Variants in PCNX3 observed in about 807,000 individuals in gnomAD.
The protein encoded by PCNX3 is pecanex 3, also known as pecanex-like protein 3.
PCNX3 carries 58 observed loss-of-function variants against 207.2 expected under a neutral mutation model. The ratio of observed to expected loss-of-function variants is 0.28; its 90% CI spans 0.23 to 0.35. The LOEUF is 0.35. Among genes scored for constraint, PCNX3 ranks in the 10% least tolerant of loss-of-function variants. The probability of loss-of-function intolerance (pLI) is 1.00; values close to 1 mark genes in which losing one functional copy is unlikely to be tolerated. For missense variants in PCNX3, 2,410 were observed against 2,774.4 expected, an observed-to-expected ratio of 0.87 and a Z score of 2.95; for synonymous variants, 1,337 against 1,183.5, an observed-to-expected ratio of 1.13 and a Z score of -2.66.
At position 65,618,687 on chromosome 11, in the gene PCNX3, A is replaced by C. The variant is rs376705266; in HGVS notation, c.1325A>C (p.Tyr442Ser). Reference protein sequence around the residue: ...PASSLRSQRRYSTDSSSSTSC... With the variant: ...PASSLRSQRRSSTDSSSSTSC... Reference sequence around the variant, plus strand: ...TCCAGTCTCCGATCGCAGCGCCGCTACAGTACTGACAGCTCCTCTTCTACT... The same window carrying C: ...TCCAGTCTCCGATCGCAGCGCCGCTCCAGTACTGACAGCTCCTCTTCTACT... Residue 442 changes from tyrosine (Y) to serine (S), a missense_variant, in exon 6 of 35, where the codon TAC becomes TCC. This residue lies in a region of PCNX3 where 1,104 missense variants were observed against 970.3 expected (regional missense o/e 1.14). Coordinates refer to ENST00000355703, the MANE Select transcript of PCNX3 (RefSeq NM_032223.4). The C allele has an allele frequency of 6.8e-6, 11 of 1,613,226 alleles. No individual in the cohort carries two copies. The highest frequency in any genetic ancestry group is 8.5e-6 in the Non-Finnish European group (10 of 1,179,732).
At chr11:65,634,725 T>C in intron 29 of PCNX3, 84 bp downstream of exon 29, 1 of 1,359,300 alleles carries the variant, frequency 7.4e-7, no homozygotes. Context: ...CTGGCCACAG[T>C]GGCCACAGAA....
At chr11:65,629,492 C>G in intron 25 of PCNX3, 28 bp from the exon 26 acceptor site, 1 of 1,612,700 alleles carries the variant, frequency 6.2e-7, no homozygotes, top group Non-Finnish European at 8.5e-7. Flanking sequence ...GTCACTTTGT[C>G]CATTTGCCCG....
chr11:65,620,689 A>C (rs955345997), intron 9 of PCNX3, 142 bp from the exon 10 acceptor site: 70 of 1,192,432 alleles, frequency 5.9e-5, no homozygotes, highest in Non-Finnish European at 8.1e-5. Context: ...CACTTCTGCC[A>C]CCTGACCCCA....
chr11:65,626,312 C>T (rs758724396), intron 20 of PCNX3: 149 of 655,060 alleles, frequency 2.3e-4, no homozygotes, highest in African/African-American at 1.7e-3. Flanking sequence ...TGTGAGAAGA[C>T]GGAAGAATTA....
chr11:65,619,392 G>A (rs1300071302), intron 6 of PCNX3, 145 bp from the exon 7 acceptor site: 2 of 1,424,824 alleles, frequency 1.4e-6, no homozygotes, highest in Non-Finnish European at 9.3e-7. Context: ...ACTGAGCATG[G>A]GGCTGTGTGA....
intron 29 of PCNX3, 22 bp downstream of exon 29, chr11:65,634,663 G>A (rs369018096): frequency 2.5e-4 from 382 of 1,541,744 alleles, no homozygotes; most frequent in Non-Finnish European, 3.1e-4. Flanking sequence ...GGTGTCCCGC[G>A]GGGCCTACTG....
At position 65,624,343 on chromosome 11, in the gene PCNX3, T is replaced by C; in HGVS notation, c.2693T>C (p.Phe898Ser). ...ACGCTCTTCTCTGCCTCCTTCTTCT[T>C]CTGTGCCCGAGACGTGGCCACTGGT... is the stretch of plus-strand genomic sequence containing the variant. ...GLTLFSASFF[F>S]CARDVATVFT... Residue 898 changes from phenylalanine (F) to serine (S), a missense_variant, in exon 14 of 35, where the codon TTC becomes TCC. Physicochemically the swap from Phe to Ser is radical, Grantham distance 155 (BLOSUM62 -2). Around this residue, in one of 8 missense-constraint regions of PCNX3, gnomAD observed 177 missense variants for 257.5 expected, o/e 0.69. Coordinates refer to ENST00000355703, the MANE Select transcript of PCNX3 (RefSeq NM_032223.4). 6.4e-7 allele frequency: 1 copy of C among 1,557,386 alleles called. No homozygotes were observed.
rs755921703 is a variant in PCNX3 at position 65,634,297 on chromosome 11, C to T, written c.4642C>T (p.Pro1548Ser). 4 of 1,609,786 alleles carry T rather than the reference C, an allele frequency of 2.5e-6. No homozygotes were observed. ...YDLRLSGLSL[P>S]SFCAVHLEWI... ...CCTCCGCCTGTCTGGCCTCTCGCTG[C>T]CCTCCTTTTGTGCTGTGCACCTCGA... The change falls in exon 28 of 35, where the codon CCC becomes TCC. Residue 1548 changes from proline to serine, a missense_variant. By Grantham distance (74) the Pro-to-Ser change is moderately conservative. Coordinates refer to ENST00000355703, the MANE Select transcript of PCNX3 (RefSeq NM_032223.4).
chr11:65,620,700 G>C, intron 9 of PCNX3, 131 bp from the exon 10 acceptor site: 1 of 1,276,652 alleles, frequency 7.8e-7, no homozygotes, highest in Non-Finnish European at 1.1e-6. Context: ...CCTGACCCCA[G>C]CACTTGTCCC....
chr11:65,616,676 C>G (rs369649616), intron 1 of PCNX3, 148 bp from the exon 2 acceptor site: 1 of 1,000,186 alleles, frequency 1.0e-6, no homozygotes, highest in African/African-American at 1.6e-5. Context: ...GAATACAGAG[C>G]CCTTTGTCGA....
chr11:65,636,710 T>G (rs1476684380), intron 34 of PCNX3, 21 bp downstream of exon 34: 8 of 1,561,528 alleles, frequency 5.1e-6, no homozygotes, highest in South Asian at 1.2e-5. Flanking sequence ...TGTGGGAGGG[T>G]TGGGTCCCAG....
chr11:65,622,488 C>T, intron 11 of PCNX3, 122 bp downstream of exon 11: 10 of 1,286,480 alleles, frequency 7.8e-6, no homozygotes, highest in Non-Finnish European at 1.0e-5. Context: ...AAGCTGAGGG[C>T]CTGTCGTTGG....
chr11:65,624,634 G>A, intron 15 of PCNX3, 53 bp downstream of exon 15: 1 of 1,476,508 alleles, frequency 6.8e-7, no homozygotes, highest in Non-Finnish European at 9.3e-7. Flanking sequence ...GGCCCAGGAG[G>A]GCCCTCGGAT....
At chr11:65,626,676 C>T (rs968800330) in intron 20 of PCNX3, 1 of 595,256 alleles carries the variant, frequency 1.7e-6, no homozygotes, top group East Asian at 2.9e-5. Flanking sequence ...TTTTAACAGA[C>T]AGCAGAGCAG....
chr11:65,636,271 C>G lies in PCNX3; in HGVS notation c.5557C>G (p.Pro1853Ala). The G allele has an allele frequency of 6.2e-7, 1 of 1,600,736 alleles. No homozygotes were observed. Reference protein sequence around the residue: ...GGGLTSLSNNPPVAHPTPENT... With the variant: ...GGGLTSLSNNAPVAHPTPENT... ...TGGCCTGACCTCCCTCAGCAATAAC[C>G]CCCCCGTGGCACACCCCACACCTGA... is the stretch of plus-strand genomic sequence containing the variant. Residue 1853 changes from proline (P) to alanine (A), a missense_variant, in exon 33 of 35, where the codon CCC (proline) becomes GCC (alanine). Pro to Ala is a conservative substitution (Grantham distance 27, BLOSUM62 -1). Coordinates refer to ENST00000355703, the MANE Select transcript of PCNX3 (RefSeq NM_032223.4).
At chr11:65,627,893 C>T (rs1309778832) in intron 22 of PCNX3, among the ~76,000 whole-genome samples, 3 of 152,198 alleles carry the variant, frequency 2.0e-5, no homozygotes, top group East Asian at 1.9e-4. Flanking sequence ...CTGGCCTTAT[C>T]CTCTGGACGC....
rs764335209 is a variant in PCNX3 at position 65,618,660 on chromosome 11, C to T, written c.1298C>T (p.Ala433Val). 1.1e-5 allele frequency: 17 copies of T among 1,613,300 alleles called. No homozygotes were observed. In the East Asian group the frequency reaches 3.3e-4, roughly 32 times the overall value. ...DTSEGSELSP[A>V]SSLRSQRRYS... ...AGTGAGGGCAGTGAACTGAGCCCGG[C>T]CTCCAGTCTCCGATCGCAGCGCCGC... The change falls in exon 6 of 35, where the codon GCC (alanine) becomes GTC (valine). Residue 433 changes from alanine to valine, a missense_variant. Transcript: ENST00000355703.
At position 65,634,327 on chromosome 11, in the gene PCNX3, A is replaced by C; in HGVS notation, c.4672A>C (p.Ile1558Leu). The C allele has an allele frequency of 6.2e-7, 1 of 1,601,632 alleles. No individual in the cohort carries two copies. Among genetic ancestry groups the C allele is most frequent in the Non-Finnish European group, 8.5e-7 (1 of 1,174,490 alleles). The change falls in exon 28 of 35, where the codon ATC becomes CTC. Residue 1558 changes from isoleucine to leucine, a missense_variant. Ile to Leu is a conservative substitution (Grantham distance 5). Coordinates refer to ENST00000355703, the MANE Select transcript of PCNX3 (RefSeq NM_032223.4). ...CTTTTGTGCTGTGCACCTCGAGTGG[A>C]TCCAGTACTGCGCCTCCCGGCGCAG... ...PSFCAVHLEW[I>L]QYCASRRSQP... is the part of the protein sequence containing the mutation.
rs77565229 is a variant in PCNX3 at position 65,617,985 on chromosome 11, C to T, written c.623C>T (p.Ser208Phe). ...CCTCCAGGGGCTGTCCCAGACCCCT[C>T]TCTTGCCAGTACAGACTCTTCAGAG... ...QTPPGAVPDP[S>F]LASTDSSEPS... The change falls in exon 6 of 35, where the codon TCT becomes TTT. Residue 208 changes from serine (S) to phenylalanine (F), a missense_variant. Ser to Phe is a radical substitution (Grantham distance 155). Transcript: ENST00000355703. 4,677 of 1,610,210 alleles carry T rather than the reference C, an allele frequency of 2.9e-3. 11 individuals are homozygous for T. Among genetic ancestry groups the T allele is most frequent in the Non-Finnish European group, 3.7e-3 (4,341 of 1,178,392 alleles).
Sources: allele counts gnomAD v4.1 joint callset (sites outside exome capture counted in the v4.1 genomes callset), GRCh38; gene constraint gnomAD v4.1.1; regional missense constraint gnomAD v4.1.1; transcripts MANE v1.5; gene names NCBI Gene and HGNC (gene_info 2026-07-23, HGNC 2026-07-21).